SLC22A23: variants seen among roughly 807,000 people sequenced by gnomAD.
The protein encoded by SLC22A23 is ion transporter protein.
A neutral mutation model predicts 61.0 loss-of-function variants in SLC22A23; 26 were observed. The observed-to-expected ratio is 0.43, with a 90% CI of 0.31 to 0.59. The LOEUF (loss-of-function observed/expected upper bound fraction) is 0.59. Ranked by LOEUF, SLC22A23 falls within the 20% of genes least tolerant of loss-of-function variation. The pLI is 0.11. For missense variants in SLC22A23, 796 were observed against 934.7 expected (o/e 0.85, Z 1.94); for synonymous variants, 430 against 413.9 (o/e 1.04, Z -0.47).
chr6:3,412,816 C>T (rs1769360000), intron 2 of SLC22A23, among the ~76,000 whole-genome samples: 1 of 152,166 alleles, frequency 6.6e-6, no homozygotes, highest in African/African-American at 2.4e-5. Flanking sequence ...AAGGACTTGA[C>T]TTGACATTGC....
At chr6:3,305,995 A>G (rs1284320314) in intron 4 of SLC22A23, among the ~76,000 whole-genome samples, 2 of 152,182 alleles carry the variant, frequency 1.3e-5, no homozygotes, top group Admixed American at 6.5e-5. Flanking sequence ...TCATTTATGA[A>G]GAAAAGAGGT....
At chr6:3,365,595 T>C (rs992587074) in intron 3 of SLC22A23, among the ~76,000 whole-genome samples, 3 of 152,104 alleles carry the variant, frequency 2.0e-5, no homozygotes, top group African/African-American at 7.2e-5. Context: ...TTTCATAGTG[T>C]TTCTGGCAAA....
rs1762237715 is a variant in SLC22A23, at chr6:3,309,689, C to T, written c.1083-11471G>A. Reference sequence around the variant, plus strand: ...CCTCCTTGGTGGTACAGGAGCTTCACACACACATGCTTCTGAAGGGTTACA... The same window carrying T: ...CCTCCTTGGTGGTACAGGAGCTTCATACACACATGCTTCTGAAGGGTTACA... On this transcript the variant is annotated intron_variant, in intron 4 of 9. Transcript: ENST00000406686. The surrounding 1 kb of genome is among the most constrained non-coding windows in gnomAD (Gnocchi z 4.7). Among the ~76,000 whole-genome samples the T allele has an allele frequency of 6.6e-6, 1 of 152,236 alleles. No homozygotes were observed. Among genetic ancestry groups the T allele is most frequent in the Admixed American group, 6.5e-5 (1 of 15,286 alleles).
intron 3 of SLC22A23, among the ~76,000 whole-genome samples, chr6:3,394,416 A>G (rs1323246425): frequency 6.6e-6 from 1 of 152,212 alleles, no homozygotes; most frequent in Admixed American, 6.5e-5. Context: ...TCCAAAGACC[A>G]TCTTTTCAGT....
intron 3 of SLC22A23, among the ~76,000 whole-genome samples, chr6:3,339,020 G>C (rs1164363160): frequency 6.6e-6 from 1 of 152,222 alleles, no homozygotes; most frequent in East Asian, 1.9e-4. Context: ...GCCAGATGAA[G>C]AGAGGATGTG....
chr6:3,357,739 A>G lies in SLC22A23; in HGVS notation c.914-33737T>C, dbSNP rs1765200811. ...ATGCATTTCATTCACTTATTCAGCA[A>G]GGAGGATGAGGTAGCACCATGCCAG... On this transcript the variant is annotated intron_variant, in intron 3 of 9. Transcript: ENST00000406686. 2.0e-5 allele frequency among the ~76,000 whole-genome samples: 3 copies of G among 152,210 alleles called. No homozygotes were observed. In the South Asian group the frequency reaches 6.2e-4, roughly 32 times the overall value.
At chr6:3,345,112 A>T in intron 3 of SLC22A23, among the ~76,000 whole-genome samples, 1 of 152,226 alleles carries the variant, frequency 6.6e-6, no homozygotes, top group East Asian at 1.9e-4. Context: ...CAGAATTCTT[A>T]ACTTTCTTTT....
chr6:3,359,054 C>G (rs959770714), intron 3 of SLC22A23, among the ~76,000 whole-genome samples: 3 of 152,152 alleles, frequency 2.0e-5, no homozygotes, highest in African/African-American at 7.2e-5. Context: ...ATAGGGAATT[C>G]AAAATACATA....
intron 3 of SLC22A23, among the ~76,000 whole-genome samples, chr6:3,398,290 C>T (rs1768143918): frequency 6.6e-6 from 1 of 152,078 alleles, no homozygotes; most frequent in Admixed American, 6.5e-5. Context: ...CCCTGATAAT[C>T]TGACTTTGGT....
At chr6:3,445,108 T>C (rs1304990146) in intron 1 of SLC22A23, 1 of 378,390 alleles carries the variant, frequency 2.6e-6, no homozygotes, top group Non-Finnish European at 3.6e-6. Context: ...CATTCTACCA[T>C]TGAGGAAACA....
chr6:3,302,392 A>G (rs1174662594), intron 4 of SLC22A23, among the ~76,000 whole-genome samples: 2 of 152,052 alleles, frequency 1.3e-5, no homozygotes, highest in Admixed American at 6.5e-5. Flanking sequence ...TTTTTGTTTC[A>G]TTGATCTTCT....
chr6:3,411,170 T>C (rs1769214047), intron 2 of SLC22A23, among the ~76,000 whole-genome samples: 1 of 152,198 alleles, frequency 6.6e-6, no homozygotes, highest in Admixed American at 6.5e-5. Flanking sequence ...TGTGGCCCCA[T>C]GCTAACTTTC....
intron 2 of SLC22A23, among the ~76,000 whole-genome samples, chr6:3,413,800 G>A (rs1769452845): frequency 6.6e-6 from 1 of 152,190 alleles, no homozygotes; most frequent in Non-Finnish European, 1.5e-5. Context: ...CAAGCAGGGA[G>A]TCAAATGCCA....
chr6:3,455,822 G>C (rs1772370584), intron 1 of SLC22A23, 84 bp downstream of exon 1: 1 of 1,426,632 alleles, frequency 7.0e-7, no homozygotes. Context: ...ACCACTTTGG[G>C]GACTTCGGTT....
intron 2 of SLC22A23, among the ~76,000 whole-genome samples, chr6:3,411,701 G>A (rs1442711627): frequency 6.6e-6 from 1 of 152,142 alleles, no homozygotes; most frequent in East Asian, 1.9e-4. Context: ...ACAGGGAAAG[G>A]AACAACAGGA....
chr6:3,436,229 T>C (rs1201600152), intron 1 of SLC22A23, among the ~76,000 whole-genome samples: 2 of 152,002 alleles, frequency 1.3e-5, no homozygotes, highest in African/African-American at 4.8e-5. Context: ...AATCTTTGCC[T>C]CCCAGGTTCG....
Position 3,273,371 on chromosome 6 carries a change from C to G in SLC22A23, c.1745G>C (p.Gly582Ala). The G allele has an allele frequency of 3.1e-6, 5 of 1,613,024 alleles. No individual in the cohort carries two copies. Among genetic ancestry groups the G allele is most frequent in the Non-Finnish European group, 4.2e-6 (5 of 1,179,864 alleles). ...LGLVLASAGF[G>A]MLTAPIIELH... ...CTCGATGATGGGTGCCGTCAGCATG[C>G]CGAAGCCCGCGCTGGCCAGCACCAG... The change falls in exon 10 of 10, where the codon GGC (glycine) becomes GCC (alanine). Residue 582 changes from glycine (G) to alanine (A), a missense_variant. Transcript: ENST00000406686.
chr6:3,401,284 G>A (rs1285050261), intron 3 of SLC22A23, among the ~76,000 whole-genome samples: 1 of 152,226 alleles, frequency 6.6e-6, no homozygotes, highest in Non-Finnish European at 1.5e-5. Flanking sequence ...GTTGTAGTGA[G>A]CCGAGATTGT....
chr6:3,434,069 C>G (rs1227001911), intron 1 of SLC22A23, among the ~76,000 whole-genome samples: 3 of 152,180 alleles, frequency 2.0e-5, no homozygotes, highest in Non-Finnish European at 4.4e-5. Context: ...AATCCCAGCA[C>G]TTTGGGAGGC....
Sources: allele counts gnomAD v4.1 joint callset (sites outside exome capture counted in the v4.1 genomes callset), GRCh38; gene constraint gnomAD v4.1.1; non-coding constraint Gnocchi (gnomAD v3.1); transcripts MANE v1.5; gene names NCBI Gene and HGNC (gene_info 2026-07-23, HGNC 2026-07-21).